The following MAP4K3 variants were observed in gnomAD, a reference collection of about 807,000 sequenced individuals.
MAP4K3 encodes the protein mitogen-activated protein kinase kinase kinase kinase 3, also known as MAPK/ERK kinase kinase kinase 3.
In MAP4K3, 94 loss-of-function variants were observed where a neutral mutation model predicts 143.5. The observed-to-expected ratio is 0.65, with a 90% CI of 0.55 to 0.78. MAP4K3 has a LOEUF of 0.78. MAP4K3 is among the 30% of genes least tolerant of loss of function. The pLI is 0.00. For missense variants in MAP4K3, 1,077 were observed against 1,068.1 expected (o/e 1.01, Z -0.12); for synonymous variants, 416 against 347.2 (o/e 1.20, Z -2.20).
Position 39,288,249 on chromosome 2 carries a change from T to C in MAP4K3, c.1346A>G (p.His449Arg), listed in dbSNP as rs777338438. 3.7e-6 allele frequency: 6 copies of C among 1,613,968 alleles called. No homozygotes were observed. Among genetic ancestry groups the C allele is most frequent in the African/African-American group, 2.7e-5 (2 of 74,926 alleles). Residue 449 changes from histidine (H) to arginine (R), a missense_variant, in exon 20 of 34, where the codon CAT (histidine) becomes CGT (arginine). Physicochemically the swap from His to Arg is conservative, Grantham distance 29 (BLOSUM62 0). Coordinates refer to ENST00000263881, the MANE Select transcript of MAP4K3 (RefSeq NM_003618.4). ...PKSIFIPQEMHSTEDENQGTI... is the reference protein window; with the variant it reads ...PKSIFIPQEMRSTEDENQGTI... ...TCCTTGATTTTCATCCTCAGTAGAA[T>C]GCATTTCCTGTGGTATGAAGATAGA...
chr2:39,317,286 T>C (rs538952254), intron 12 of MAP4K3, among the ~76,000 whole-genome samples: 51 of 152,246 alleles, frequency 3.3e-4, no homozygotes, highest in Admixed American at 1.5e-3. Flanking sequence ...GACTTAAATG[T>C]AAAATCTAAA....
chr2:39,267,092 A>G, intron 27 of MAP4K3, 97 bp downstream of exon 27: 3 of 1,160,182 alleles, frequency 2.6e-6, no homozygotes, highest in South Asian at 2.5e-5. Flanking sequence ...CAGGAAAAAT[A>G]AAGTATTGCT....
At chr2:39,399,956 C>T (rs1189326589) in intron 1 of MAP4K3, among the ~76,000 whole-genome samples, 1 of 152,040 alleles carries the variant, frequency 6.6e-6, no homozygotes, top group Non-Finnish European at 1.5e-5. Context: ...GGCATGCTCA[C>T]AAAAAGAAAA....
chr2:39,265,156 G>T (rs932584611), intron 28 of MAP4K3, 47 bp downstream of exon 28: 8 of 1,229,268 alleles, frequency 6.5e-6, no homozygotes, highest in Non-Finnish European at 9.4e-6. Flanking sequence ...CAGTAAGGTT[G>T]ACAAGCTTTT....
intron 26 of MAP4K3, among the ~76,000 whole-genome samples, chr2:39,268,284 CAAATT>C (rs1407564877): frequency 6.6e-6 from 1 of 152,098 alleles, no homozygotes; most frequent in Non-Finnish European, 1.5e-5. Context: ...GTAAAAACCT[CAAATT>C]AAACCCATTT....
At chr2:39,403,050 T>C (rs1425947054) in intron 1 of MAP4K3, among the ~76,000 whole-genome samples, 2 of 152,164 alleles carry the variant, frequency 1.3e-5, no homozygotes, top group African/African-American at 2.4e-5. Flanking sequence ...AATCTATAGT[T>C]TAAAATGCCC....
chr2:39,359,894 A>G (rs1354469054), intron 2 of MAP4K3, among the ~76,000 whole-genome samples: 3 of 152,050 alleles, frequency 2.0e-5, no homozygotes, highest in Non-Finnish European at 2.9e-5. Context: ...CCACAGTACC[A>G]TTTTTTCCTC....
chr2:39,429,088 A>AG, intron 1 of MAP4K3, among the ~76,000 whole-genome samples: 1 of 150,974 alleles, frequency 6.6e-6, no homozygotes, highest in East Asian at 1.9e-4. Context: ...AAAAAAAAAA[A>AG]AGGAGTCCAT....
chr2:39,290,349 G>T lies in MAP4K3; in HGVS notation c.1272-15C>A. ...TCAGAGTTGAGCTAAAAACAGAAAA[G>T]TTTAGAATCAGAACTATTCATTTTA... is the stretch of plus-strand genomic sequence containing the variant. On this transcript the variant is annotated splice_polypyrimidine_tract_variant and intron_variant, in intron 18 of 33. Transcript: ENST00000263881. 1 of 1,586,202 alleles carries T rather than the reference G, an allele frequency of 6.3e-7. No individual in the cohort carries two copies. Among genetic ancestry groups the T allele is most frequent in the Non-Finnish European group, 8.6e-7 (1 of 1,160,722 alleles).
At chr2:39,416,851 G>T (rs551883224) in intron 1 of MAP4K3, among the ~76,000 whole-genome samples, 1 of 152,290 alleles carries the variant, frequency 6.6e-6, no homozygotes, top group South Asian at 2.1e-4. Flanking sequence ...GAGGCAAACT[G>T]GGTTCAACTG....
Position 39,272,320 on chromosome 2 carries a change from T to C in MAP4K3, c.1936A>G (p.Ile646Val). The change falls in exon 26 of 34, where the codon ATT (isoleucine) becomes GTT (valine). Residue 646 changes from isoleucine (I) to valine (V), a missense_variant. Ile to Val is a conservative substitution (Grantham distance 29, BLOSUM62 3). This residue lies in a region of MAP4K3 where 864 missense variants were observed against 801.2 expected (regional missense o/e 1.08). Coordinates refer to ENST00000263881, the MANE Select transcript of MAP4K3 (RefSeq NM_003618.4). ...CTGTCAGGGAGTTTGTGTGCTGGAA[T>C]AGCAACAGGTAACTTTTGCATTTGT... ...ARQMQKLPVA[I>V]PAHKLPDRIL... is the part of the protein sequence containing the mutation. 6.2e-7 allele frequency: 1 copy of C among 1,613,792 alleles called. No homozygotes were observed. The highest frequency in any genetic ancestry group is 8.5e-7 in the Non-Finnish European group (1 of 1,179,790).
Position 39,347,949 on chromosome 2 carries a change from G to A in MAP4K3, c.246-4497C>T, listed in dbSNP as rs561001871. On this transcript the variant is annotated intron_variant, in intron 3 of 33. Coordinates refer to ENST00000263881, the MANE Select transcript of MAP4K3 (RefSeq NM_003618.4). Reference sequence around the variant, plus strand: ...CAACTTCTCCCTTCATTTACAAACTGTTCATTGTTGATCTCTAATCTCTGA... The same window carrying A: ...CAACTTCTCCCTTCATTTACAAACTATTCATTGTTGATCTCTAATCTCTGA... 9.4e-4 allele frequency among the ~76,000 whole-genome samples: 143 copies of A among 151,916 alleles called. 1 individual carries two copies. The highest frequency in any genetic ancestry group is 3.1e-3 in the African/African-American group (128 of 41,458).
At chr2:39,419,789 C>A (rs1667494838) in intron 1 of MAP4K3, among the ~76,000 whole-genome samples, 3 of 152,132 alleles carry the variant, frequency 2.0e-5, no homozygotes, top group Non-Finnish European at 4.4e-5. Flanking sequence ...GAATGGCATT[C>A]AAAAACTAAA....
chr2:39,261,306 T>C (rs1280762382), intron 28 of MAP4K3, among the ~76,000 whole-genome samples: 1 of 125,708 alleles, frequency 8.0e-6, no homozygotes, highest in East Asian at 2.4e-4. Context: ...TCAGTTATAA[T>C]ACAACCCATT....
chr2:39,436,626 C>T (rs928860344), intron 1 of MAP4K3: 2 of 508,920 alleles, frequency 3.9e-6, no homozygotes, highest in Admixed American at 6.8e-5. Flanking sequence ...CTCGTTCTGC[C>T]CTTCCCTGGA....
At chr2:39,335,852 A>C (rs1450670219) in intron 6 of MAP4K3, among the ~76,000 whole-genome samples, 1 of 152,198 alleles carries the variant, frequency 6.6e-6, no homozygotes, top group African/African-American at 2.4e-5. Flanking sequence ...CATGCGCATA[A>C]GGGCATTTTC....
chr2:39,273,369 A>G (rs553808528), intron 24 of MAP4K3, among the ~76,000 whole-genome samples: 4 of 152,302 alleles, frequency 2.6e-5, no homozygotes, highest in Admixed American at 6.5e-5. Flanking sequence ...TCTATGGTTT[A>G]ACTAGGCCTC....
At chr2:39,293,362 T>C in intron 16 of MAP4K3, 94 bp from the exon 17 acceptor site, 1 of 811,244 alleles carries the variant, frequency 1.2e-6, no homozygotes, top group Non-Finnish European at 1.9e-6. Context: ...ACCATACATT[T>C]TTTGAATGAT....
chr2:39,418,819 G>C (rs1320403755), intron 1 of MAP4K3, among the ~76,000 whole-genome samples: 2 of 152,132 alleles, frequency 1.3e-5, no homozygotes, highest in Admixed American at 1.3e-4. Flanking sequence ...CAAAACGTCT[G>C]TGAAGCTGTC....
Sources: allele counts gnomAD v4.1 joint callset (sites outside exome capture counted in the v4.1 genomes callset), GRCh38; gene constraint gnomAD v4.1.1; regional missense constraint gnomAD v4.1.1; transcripts MANE v1.5; gene names NCBI Gene and HGNC (gene_info 2026-07-23, HGNC 2026-07-21).